The following MITF variants were observed in gnomAD, a reference collection of about 807,000 sequenced individuals.
The protein encoded by MITF is melanocyte inducing transcription factor, also known as microphthalmia-associated transcription factor.
In MITF, 17 loss-of-function variants were observed where a neutral mutation model predicts 60.5. The observed-to-expected ratio is 0.28, with a 90% CI of 0.19 to 0.42. The LOEUF is 0.42. MITF is among the 10% of genes least tolerant of loss of function. MITF has a pLI of 1.00. For missense variants in MITF, 622 were observed against 683.5 expected (o/e 0.91, Z 1.00); for synonymous variants, 260 against 248.5 (o/e 1.05, Z -0.43).
chr3:69,896,256 T>C (rs2064874044), intron 2 of MITF, among the ~76,000 whole-genome samples: 1 of 152,244 alleles, frequency 6.6e-6, no homozygotes, highest in African/African-American at 2.4e-5. Flanking sequence ...GAGAAAGTCT[T>C]AGCCCTAGAT....
At chr3:69,912,139 A>T (rs1465086718) in intron 2 of MITF, among the ~76,000 whole-genome samples, 1 of 152,246 alleles carries the variant, frequency 6.6e-6, no homozygotes, top group East Asian at 1.9e-4. Context: ...AAGTTTGTTC[A>T]AGCACATGTA....
At chr3:69,769,584 A>G (rs969687517) in intron 1 of MITF, 3 of 151,780 alleles carry the variant, frequency 2.0e-5, no homozygotes, top group African/African-American at 4.8e-5. Context: ...GACCTGTTCC[A>G]TTTCTAACCT....
chr3:69,769,421 T>C (rs1193537097), intron 1 of MITF: 1 of 152,192 alleles, frequency 6.6e-6, no homozygotes, highest in African/African-American at 2.4e-5. Context: ...CTTATTTTGT[T>C]CTTTCTGAAA....
rs1036531864 is a variant in MITF at position 69,967,400 on chromosome 3, T to C, written c.*2152T>C. ...GTCTATTTTTCTCTTCATATTTATATGGGGGGGAGGGCGCTGGATGCAAAA... is the reference window on the plus strand; with the variant it reads ...GTCTATTTTTCTCTTCATATTTATACGGGGGGGAGGGCGCTGGATGCAAAA... On this transcript the variant is annotated 3_prime_UTR_variant, in exon 10 of 10. Transcript: ENST00000352241. 2 of 232,492 alleles carry C rather than the reference T, an allele frequency of 8.6e-6. No individual in the cohort carries two copies. Among genetic ancestry groups the C allele is most frequent in the African/African-American group, 4.4e-5 (2 of 45,232 alleles). 14.4% of individuals were successfully genotyped at this position (232,492 alleles called of 1,614,324 possible).
chr3:69,814,134 A>T (rs2063143688), intron 1 of MITF, among the ~76,000 whole-genome samples: 1 of 152,044 alleles, frequency 6.6e-6, no homozygotes, highest in Non-Finnish European at 1.5e-5. Flanking sequence ...AAAAAAAAAA[A>T]AGTGCAACTC....
At chr3:69,780,635 A>G (rs1386742335) in intron 1 of MITF, among the ~76,000 whole-genome samples, 1 of 152,206 alleles carries the variant, frequency 6.6e-6, no homozygotes, top group Non-Finnish European at 1.5e-5. Flanking sequence ...TTGGGCTCTA[A>G]GATGGCTATA....
intron 1 of MITF, among the ~76,000 whole-genome samples, chr3:69,776,454 G>A (rs1007784632): frequency 3.3e-5 from 5 of 152,288 alleles, no homozygotes; most frequent in Middle Eastern, 3.4e-3. Flanking sequence ...TGACATTTGC[G>A]TGTTTGAGTT....
intron 9 of MITF, among the ~76,000 whole-genome samples, chr3:69,961,844 T>C (rs2066557612): frequency 6.6e-6 from 1 of 152,262 alleles, no homozygotes; most frequent in East Asian, 1.9e-4. Flanking sequence ...GTTCCAAACA[T>C]GTATATTCAT....
At chr3:69,891,504 C>A (rs1201486206) in intron 2 of MITF, among the ~76,000 whole-genome samples, 1 of 152,160 alleles carries the variant, frequency 6.6e-6, no homozygotes, top group Non-Finnish European at 1.5e-5. Context: ...CTATCCCAGG[C>A]CTACTGAACC....
At chr3:69,867,421 T>C (rs1190203581) in intron 1 of MITF, among the ~76,000 whole-genome samples, 1 of 152,178 alleles carries the variant, frequency 6.6e-6, no homozygotes, top group Non-Finnish European at 1.5e-5. Context: ...TAAAAGGTAG[T>C]TTTAAAAATG....
chr3:69,850,927 G>T (rs768882045), intron 1 of MITF, among the ~76,000 whole-genome samples: 1 of 152,164 alleles, frequency 6.6e-6, no homozygotes, highest in Non-Finnish European at 1.5e-5. Context: ...GCCCCCAAGT[G>T]CTGGGCCCAT....
Position 69,957,770 on chromosome 3 carries a change from T to C in MITF, c.1031+1240T>C, listed in dbSNP as rs149322002. ...TGAAAGCCTCTATTTGCATATCTTC[T>C]TTCCCCGTTGTATTAGAATACTTGC... On this transcript the variant is annotated intron_variant, in intron 8 of 9. Coordinates refer to ENST00000352241, the MANE Select transcript of MITF (RefSeq NM_001354604.2). 1.8e-3 allele frequency among the ~76,000 whole-genome samples: 268 copies of C among 152,380 alleles called. 2 individuals carry two copies. Among genetic ancestry groups the C allele is most frequent in the African/African-American group, 6.2e-3 (257 of 41,588 alleles).
At chr3:69,788,944 C>G (rs2062695702) in intron 1 of MITF, among the ~76,000 whole-genome samples, 1 of 152,084 alleles carries the variant, frequency 6.6e-6, no homozygotes. Flanking sequence ...AATATTAACT[C>G]AAGATGGATT....
chr3:69,782,143 G>A (rs1335275372), intron 1 of MITF, among the ~76,000 whole-genome samples: 1 of 152,210 alleles, frequency 6.6e-6, no homozygotes, highest in African/African-American at 2.4e-5. Context: ...CTGAGTGGCT[G>A]TACACAGAGG....
intron 1 of MITF, 61 bp from the exon 2 acceptor site, chr3:69,879,073 A>T: frequency 7.1e-7 from 1 of 1,410,266 alleles, no homozygotes; most frequent in Non-Finnish European, 1.0e-6. Context: ...ATACCCCCAA[A>T]GTGCAAACGA....
chr3:69,763,909 C>T (rs751547784), intron 1 of MITF: 12 of 1,374,864 alleles, frequency 8.7e-6, no homozygotes, highest in Middle Eastern at 2.0e-4. Flanking sequence ...GAAAAGGAAA[C>T]CAGGAAATTG....
chr3:69,938,960 T>G, intron 3 of MITF, 138 bp from the exon 4 acceptor site: 1 of 1,529,068 alleles, frequency 6.5e-7, no homozygotes, highest in Non-Finnish European at 8.8e-7. Context: ...CCTTCATTAT[T>G]TCATCTTTTG....
intron 1 of MITF, among the ~76,000 whole-genome samples, chr3:69,751,306 T>A (rs1703925505): frequency 6.6e-6 from 1 of 151,822 alleles, no homozygotes. Context: ...AACAGAGAGG[T>A]GGAATGGATG....
chr3:69,833,254 C>G (rs1206562061), intron 1 of MITF, among the ~76,000 whole-genome samples: 1 of 152,160 alleles, frequency 6.6e-6, no homozygotes, highest in Non-Finnish European at 1.5e-5. Flanking sequence ...GGTTATTTTT[C>G]TATTTACATT....
Sources: allele counts gnomAD v4.1 joint callset (sites outside exome capture counted in the v4.1 genomes callset), GRCh38; gene constraint gnomAD v4.1.1; transcripts MANE v1.5; gene names NCBI Gene and HGNC (gene_info 2026-07-23, HGNC 2026-07-21).